The following THEMIS variants were observed in gnomAD, a reference collection of about 807,000 sequenced individuals.
THEMIS encodes the protein thymocyte selection associated.
THEMIS carries 37 observed loss-of-function variants against 52.6 expected under a neutral mutation model. That is an observed-to-expected ratio of 0.70 (90% CI 0.54 to 0.93). The LOEUF is 0.93. Among genes scored for constraint, THEMIS ranks in the 40% least tolerant of loss-of-function variants. The pLI is 0.00. For missense variants in THEMIS, 808 were observed against 763.1 expected (o/e 1.06, Z -0.69); for synonymous variants, 292 against 272.7 (o/e 1.07, Z -0.70).
chr6:127,749,881 A>G (rs1235577643), intron 4 of THEMIS, among the ~76,000 whole-genome samples: 6 of 151,062 alleles, frequency 4.0e-5, no homozygotes, highest in Non-Finnish European at 7.4e-5. Flanking sequence ...TTTATAGAAT[A>G]TAGGAGTAGA....
At chr6:127,893,563 A>G (rs1780874271) in intron 1 of THEMIS, among the ~76,000 whole-genome samples, 1 of 152,164 alleles carries the variant, frequency 6.6e-6, no homozygotes, top group South Asian at 2.1e-4. Context: ...CTTCACATCA[A>G]TAGGGCATAA....
At chr6:127,903,606 T>C (rs888437794), upstream of THEMIS, among the ~76,000 whole-genome samples, 1 of 151,134 alleles carries the variant, frequency 6.6e-6, no homozygotes, top group East Asian at 2.0e-4. Context: ...AGGGGAAAAA[T>C]AGGAAAATGT....
intron 1 of THEMIS, among the ~76,000 whole-genome samples, chr6:127,907,081 A>G (rs1416478260): frequency 6.6e-6 from 1 of 152,008 alleles, no homozygotes; most frequent in African/African-American, 2.4e-5. Context: ...AGTAGATAGT[A>G]TCGGAAAAAA....
chr6:127,908,467 T>A (rs1391880632), intron 1 of THEMIS, among the ~76,000 whole-genome samples: 1 of 152,146 alleles, frequency 6.6e-6, no homozygotes, highest in Non-Finnish European at 1.5e-5. Context: ...TCGATCTGCG[T>A]ATTTTTTTAC....
At chr6:127,717,644 G>A (rs1774215691) in intron 5 of THEMIS, among the ~76,000 whole-genome samples, 1 of 151,810 alleles carries the variant, frequency 6.6e-6, no homozygotes, top group African/African-American at 2.4e-5. Context: ...TTCGTGTTCA[G>A]TCATTCACAG....
At chr6:127,774,589 C>A (rs902305932) in intron 4 of THEMIS, among the ~76,000 whole-genome samples, 1 of 152,172 alleles carries the variant, frequency 6.6e-6, no homozygotes, top group Non-Finnish European at 1.5e-5. Context: ...AAGCAAATCA[C>A]AGAGATAGCA....
At chr6:127,800,496 C>T (rs183024204) in intron 4 of THEMIS, among the ~76,000 whole-genome samples, 15 of 152,304 alleles carry the variant, frequency 9.8e-5, no homozygotes, top group Admixed American at 5.2e-4. Flanking sequence ...TCAAACCAAA[C>T]TAAACTGTAA....
chr6:127,702,740 G>T, the THEMIS span, among the ~76,000 whole-genome samples: 1 of 151,984 alleles, frequency 6.6e-6, no homozygotes, highest in African/African-American at 2.4e-5. Context: ...ACAGTTCCAT[G>T]TGGCTGTGGA....
At chr6:127,881,150 G>A (rs1415035045) in intron 1 of THEMIS, among the ~76,000 whole-genome samples, 6 of 151,942 alleles carry the variant, frequency 3.9e-5, no homozygotes, top group African/African-American at 1.4e-4. Flanking sequence ...TGGTCATTTA[G>A]CAGTGCCTAA....
chr6:127,771,644 C>T (rs372110513), intron 4 of THEMIS, among the ~76,000 whole-genome samples: 5 of 152,066 alleles, frequency 3.3e-5, no homozygotes, highest in Admixed American at 2.0e-4. Flanking sequence ...GAAAAATTAC[C>T]TTTATATTCT....
At chr6:127,760,718 A>C (rs1775993088) in intron 4 of THEMIS, among the ~76,000 whole-genome samples, 1 of 152,154 alleles carries the variant, frequency 6.6e-6, no homozygotes. Flanking sequence ...TAAAGGTTGC[A>C]GTGAACTATG....
At chr6:127,870,304 G>A (rs2114379586) in intron 1 of THEMIS, among the ~76,000 whole-genome samples, 1 of 152,178 alleles carries the variant, frequency 6.6e-6, no homozygotes, top group Non-Finnish European at 1.5e-5. Flanking sequence ...CATAGTGAGG[G>A]GTCAGCACTC....
At chr6:127,834,808 G>T (rs1228960314) in intron 2 of THEMIS, among the ~76,000 whole-genome samples, 1 of 151,988 alleles carries the variant, frequency 6.6e-6, no homozygotes, top group Non-Finnish European at 1.5e-5. Context: ...TAACACATTT[G>T]GGATGCTTAA....
At chr6:127,910,487 A>G (rs1380170866) in intron 1 of THEMIS, among the ~76,000 whole-genome samples, 1 of 152,188 alleles carries the variant, frequency 6.6e-6, no homozygotes, top group African/African-American at 2.4e-5. Flanking sequence ...CATTCCCACA[A>G]CGTTATTTCC....
At chr6:127,730,160 A>C (rs969561625) in intron 4 of THEMIS, among the ~76,000 whole-genome samples, 1 of 151,824 alleles carries the variant, frequency 6.6e-6, no homozygotes, top group Non-Finnish European at 1.5e-5. Context: ...CCAGCTACTC[A>C]GGAAGCTGAG....
At chr6:127,916,667 C>T (rs567883853) in intron 1 of THEMIS, among the ~76,000 whole-genome samples, 1 of 152,330 alleles carries the variant, frequency 6.6e-6, no homozygotes, top group African/African-American at 2.4e-5. Context: ...TGAATTACTG[C>T]TTGCTGTGCT....
downstream of THEMIS, among the ~76,000 whole-genome samples, chr6:127,706,821 T>C (rs2114437519): frequency 6.6e-6 from 1 of 152,036 alleles, no homozygotes; most frequent in East Asian, 1.9e-4. Flanking sequence ...GAGCAAAAAG[T>C]GTTCCAGGCA....
At chr6:127,832,023 T>C (rs1778711810) in intron 2 of THEMIS, among the ~76,000 whole-genome samples, 1 of 152,130 alleles carries the variant, frequency 6.6e-6, no homozygotes, top group Non-Finnish European at 1.5e-5. Context: ...TCAGCAGTTA[T>C]TGTGAAATAA....
Position 127,900,994 on chromosome 6 carries a change from A to G in THEMIS, c.-62T>C. 1 of 1,328,056 alleles carries G rather than the reference A, an allele frequency of 7.5e-7. No individual in the cohort carries two copies. The highest frequency in any genetic ancestry group is 1.7e-5 in the Admixed American group (1 of 58,966). The allele number at this position is 1,328,056 out of a possible 1,614,324, so 82.3% of individuals were successfully genotyped here. The stretch of plus-strand genomic sequence containing the variant: ...CAGAAACTTGTGGCTTCTGGGTGAC[A>G]CTTGTCTGCAATTGCAGCCCCTGCT... On this transcript the variant is annotated 5_prime_UTR_variant, in exon 1 of 6. Transcript: ENST00000368248.
Sources: allele counts gnomAD v4.1 joint callset (sites outside exome capture counted in the v4.1 genomes callset), GRCh38; gene constraint gnomAD v4.1.1; transcripts MANE v1.5; gene names NCBI Gene and HGNC (gene_info 2026-07-23, HGNC 2026-07-21).